SLCO1B3: variants seen among roughly 807,000 people sequenced by gnomAD.
SLCO1B3 encodes solute carrier organic anion transporter family member 1B3, also known as liver-specific organic anion transporter 2.
In SLCO1B3, 72 loss-of-function variants were observed where a neutral mutation model predicts 71.8. The ratio of observed to expected loss-of-function variants is 1.00; its 90% confidence interval spans 0.83 to 1.22. The LOEUF (loss-of-function observed/expected upper bound fraction) is 1.22, where lower values mean the gene tolerates loss of function less well. Ranked by LOEUF, SLCO1B3 falls within the 50% of genes most tolerant of loss-of-function variation. The probability of loss-of-function intolerance (pLI) is 0.00; values close to 1 mark genes in which losing one functional copy is unlikely to be tolerated. For missense variants in SLCO1B3, 911 were observed against 819.7 expected (o/e 1.11, Z -1.36); for synonymous variants, 298 against 278.4 (o/e 1.07, Z -0.70).
rs980091642 is a variant in SLCO1B3, at chr12:20,842,395, G to T, written c.85-12633G>T. On this transcript the variant is annotated intron_variant, in intron 3 of 15. Transcript: ENST00000381545. ...ATATTTTATACCTATTAAATCCATT[G>T]TTTTATAATCATTGTATCTTTTAGG... Among the ~76,000 whole-genome samples the T allele has an allele frequency of 1.2e-4, 18 of 152,062 alleles. No homozygotes were observed. The South Asian group carries it at 2.7e-3, about 23-fold the overall frequency.
intron 3 of SLCO1B3, among the ~76,000 whole-genome samples, chr12:20,847,796 GAATA>G (rs1864947600): frequency 6.6e-6 from 1 of 151,714 alleles, no homozygotes; most frequent in African/African-American, 2.4e-5. Flanking sequence ...TTCAGAAGGA[GAATA>G]GAGAGAGAAA....
chr12:20,875,258 G>C lies in SLCO1B3; in HGVS notation c.751G>C (p.Asp251His). 6.2e-7 allele frequency: 1 copy of C among 1,612,992 alleles called. No homozygotes were observed. Among genetic ancestry groups the C allele is most frequent in the Non-Finnish European group, 8.5e-7 (1 of 1,179,640 alleles). ...AGGCACTATCAGAATAACTCCTAAG[G>C]ACTCTCGTTGGGTTGGAGCTTGGTG... ...DLSTIRITPK[D>H]SRWVGAWWLG... Residue 251 changes from aspartate to histidine, a missense_variant, in exon 9 of 16, where the codon GAC (aspartate) becomes CAC (histidine). Transcript: ENST00000381545.
At chr12:20,888,798 C>G (rs1367272135) in intron 13 of SLCO1B3, among the ~76,000 whole-genome samples, 1 of 151,924 alleles carries the variant, frequency 6.6e-6, no homozygotes, top group Non-Finnish European at 1.5e-5. Context: ...CGATTTTCCC[C>G]CATTCAGTAT....
At chr12:20,852,178 T>C (rs1289107176) in intron 3 of SLCO1B3, among the ~76,000 whole-genome samples, 1 of 152,154 alleles carries the variant, frequency 6.6e-6, no homozygotes, top group Non-Finnish European at 1.5e-5. Flanking sequence ...TTTTTTCTAT[T>C]TCTATACAAA....
At chr12:20,913,645 T>G (rs550632816) in intron 15 of SLCO1B3, among the ~76,000 whole-genome samples, 427 of 152,358 alleles carry the variant, frequency 2.8e-3, no homozygotes, top group Non-Finnish European at 4.7e-3. Context: ...ATGTTATCAG[T>G]GTATATCTTC....
At chr12:20,906,203 A>C (rs1866242447) in intron 15 of SLCO1B3, among the ~76,000 whole-genome samples, 1 of 152,184 alleles carries the variant, frequency 6.6e-6, no homozygotes, top group Non-Finnish European at 1.5e-5. Flanking sequence ...AAAAAGAAAA[A>C]AATGAAACTT....
At chr12:20,861,549 A>C (rs1375328813) in intron 6 of SLCO1B3, among the ~76,000 whole-genome samples, 1 of 152,196 alleles carries the variant, frequency 6.6e-6, no homozygotes, top group African/African-American at 2.4e-5. Flanking sequence ...AAAAGAACAA[A>C]TTTAGTAGGA....
chr12:20,848,781 G>GA (rs1441748350), intron 3 of SLCO1B3, among the ~76,000 whole-genome samples: 2 of 152,024 alleles, frequency 1.3e-5, no homozygotes, highest in Non-Finnish European at 2.9e-5. Context: ...TTCTGGAGAA[G>GA]AAAAATCTAA....
chr12:20,912,448 C>G (rs549218119), intron 15 of SLCO1B3, among the ~76,000 whole-genome samples: 7 of 150,270 alleles, frequency 4.7e-5, no homozygotes, highest in African/African-American at 1.7e-4. Context: ...CGTGTCTTGG[C>G]CTTCTGAGTA....
intron 3 of SLCO1B3, among the ~76,000 whole-genome samples, chr12:20,829,375 G>A (rs1239123198): frequency 5.3e-5 from 8 of 152,316 alleles, no homozygotes; most frequent in South Asian, 4.1e-4. Context: ...CCTTCCCTGC[G>A]GGAAGTGGGC....
At chr12:20,838,612 T>C (rs1459200975) in intron 3 of SLCO1B3, among the ~76,000 whole-genome samples, 1 of 152,080 alleles carries the variant, frequency 6.6e-6, no homozygotes, top group African/African-American at 2.4e-5. Context: ...TTATAGCCTA[T>C]TGCTTTGAGG....
intron 9 of SLCO1B3, 120 bp from the exon 10 acceptor site, chr12:20,877,652 C>T: frequency 2.5e-6 from 1 of 399,610 alleles, no homozygotes; most frequent in East Asian, 4.9e-5. Context: ...AAGGTCGCGA[C>T]TCTCTTAGAA....
chr12:20,854,924 A>T, intron 3 of SLCO1B3, 104 bp from the exon 4 acceptor site: 1 of 1,062,946 alleles, frequency 9.4e-7, no homozygotes, highest in African/African-American at 1.6e-5. Context: ...TTTTATGATA[A>T]TGTTTTCGAG....
At chr12:20,911,212 AT>A (rs1277248347) in intron 15 of SLCO1B3, among the ~76,000 whole-genome samples, 6 of 151,848 alleles carry the variant, frequency 4.0e-5, no homozygotes, top group East Asian at 3.9e-4. Context: ...TGATCATGTG[AT>A]TTTTTTCTTC....
At chr12:20,842,413 C>A (rs566746030) in intron 3 of SLCO1B3, among the ~76,000 whole-genome samples, 1 of 151,916 alleles carries the variant, frequency 6.6e-6, no homozygotes, top group African/African-American at 2.4e-5. Flanking sequence ...ATCATTGTAT[C>A]TTTTAGGTTG....
intron 3 of SLCO1B3, among the ~76,000 whole-genome samples, chr12:20,823,067 G>A (rs143792750): frequency 1.6e-4 from 24 of 152,002 alleles, no homozygotes; most frequent in African/African-American, 5.5e-4. Context: ...CTTATGTCCT[G>A]CAAAGAAAAA....
chr12:20,879,677 A>C, intron 11 of SLCO1B3, 46 bp downstream of exon 11: 1 of 1,243,078 alleles, frequency 8.0e-7, no homozygotes, highest in Non-Finnish European at 1.1e-6. Context: ...TTAACCATCA[A>C]ATTAAAAGAT....
chr12:20,859,491 C>CCCCA (rs1555156065), intron 5 of SLCO1B3, among the ~76,000 whole-genome samples: 8 of 137,644 alleles, frequency 5.8e-5, no homozygotes, highest in South Asian at 2.9e-4. Flanking sequence ...CTGTTTTTTT[C>CCCCA]CCCCTCTACA....
intron 4 of SLCO1B3, among the ~76,000 whole-genome samples, chr12:20,856,793 C>T (rs978319844): frequency 2.6e-5 from 4 of 152,154 alleles, no homozygotes; most frequent in African/African-American, 9.7e-5. Context: ...CTCCTAGCCT[C>T]AAGTGATCTG....
Sources: gnomAD v4.1 joint callset for allele counts (sites outside exome capture counted in the v4.1 genomes callset) on GRCh38, gnomAD v4.1.1 for gene constraint, MANE v1.5 for transcripts, NCBI Gene and HGNC (gene_info 2026-07-23, HGNC 2026-07-21) for gene names.